PIKFYVE: variants seen among roughly 807,000 people sequenced by gnomAD.
PIKFYVE encodes 1-phosphatidylinositol 3-phosphate 5-kinase.
Under a neutral mutation model 257.9 loss-of-function variants are expected in PIKFYVE, and 122 were observed. The ratio of observed to expected loss-of-function variants is 0.47; its 90% CI spans 0.41 to 0.55. The LOEUF (loss-of-function observed/expected upper bound fraction) is 0.55, where lower values mean the gene tolerates loss of function less well. Ranked by LOEUF, PIKFYVE falls within the 20% of genes least tolerant of loss-of-function variation. The pLI, the probability that PIKFYVE is intolerant of heterozygous loss-of-function variation, is 0.00. For synonymous variants in PIKFYVE, 892 were observed against 868.9 expected (o/e 1.03, Z -0.47); for missense variants, 2,160 against 2,536.6 (o/e 0.85, Z 3.19).
intron 28 of PIKFYVE, 111 bp downstream of exon 28, chr2:208,337,039 AGGG>A: frequency 5.0e-6 from 4 of 794,034 alleles, no homozygotes; most frequent in Non-Finnish European, 8.3e-6. Flanking sequence ...GATATCCAGT[AGGG>A]TTTTCCATTT....
At chr2:208,314,199 CATTT>C (rs746873105) in intron 13 of PIKFYVE, 91 bp from the exon 14 acceptor site, 196 of 1,395,368 alleles carry the variant, frequency 1.4e-4, no homozygotes, top group Non-Finnish European at 1.9e-4. Flanking sequence ...TAACTTAAAA[CATTT>C]ATAAAGACAA....
intron 7 of PIKFYVE, among the ~76,000 whole-genome samples, chr2:208,289,727 G>A (rs184131148): frequency 1.3e-5 from 2 of 152,248 alleles, no homozygotes; most frequent in East Asian, 3.9e-4. Context: ...ACCGAGCCCA[G>A]CCTGTTATTT....
At chr2:208,282,982 C>T (rs1042880536) in intron 5 of PIKFYVE, among the ~76,000 whole-genome samples, 5 of 152,196 alleles carry the variant, frequency 3.3e-5, no homozygotes, top group Non-Finnish European at 7.3e-5. Flanking sequence ...CACCGCTGAT[C>T]TGACAGGAGG....
At chr2:208,352,381 C>T (rs1047984786) in intron 38 of PIKFYVE, among the ~76,000 whole-genome samples, 8 of 151,506 alleles carry the variant, frequency 5.3e-5, no homozygotes, top group African/African-American at 7.3e-5. Context: ...TGGTTTATTA[C>T]GTAGTATTGG....
rs768776987 is a variant in PIKFYVE at position 208,304,189 on chromosome 2, A to G, written c.1339A>G (p.Thr447Ala). The change falls in exon 11 of 42, where the codon ACG (threonine) becomes GCG (alanine). Residue 447 changes from threonine to alanine, a missense_variant. Thr to Ala is a moderately conservative substitution (Grantham distance 58). Around this residue, in one of 12 missense-constraint regions of PIKFYVE, gnomAD observed 90 missense variants for 110.6 expected, o/e 0.81. Transcript: ENST00000264380. Reference sequence around the variant, plus strand: ...CTTTCAGAGTACAGAATTTTCTGAGACGCCTTCTCCCGACAGTGACTCAGT... The same window carrying G: ...CTTTCAGAGTACAGAATTTTCTGAGGCGCCTTCTCCCGACAGTGACTCAGT... ...RPLQSTEFSE[T>A]PSPDSDSVNS... The G allele has an allele frequency of 6.2e-7, 1 of 1,614,110 alleles. No individual in the cohort carries two copies. Among genetic ancestry groups the G allele is most frequent in the Non-Finnish European group, 8.5e-7 (1 of 1,180,012 alleles).
intron 32 of PIKFYVE, among the ~76,000 whole-genome samples, chr2:208,342,863 C>T (rs933593547): frequency 2.8e-5 from 4 of 142,084 alleles, no homozygotes; most frequent in Non-Finnish European, 3.0e-5. Flanking sequence ...GGTGCAATCT[C>T]GGCTCACTGC....
intron 3 of PIKFYVE, 55 bp downstream of exon 3, chr2:208,273,788 A>G: frequency 6.3e-7 from 1 of 1,599,004 alleles, no homozygotes; most frequent in South Asian, 1.1e-5. Flanking sequence ...TTCCACAGTC[A>G]TTGTGTTTCC....
intron 35 of PIKFYVE, among the ~76,000 whole-genome samples, chr2:208,349,683 G>A (rs17699982): frequency 0.077 from 11,666 of 151,802 alleles, 511 homozygotes; most frequent in Non-Finnish European, 0.1. Context: ...CTACACACAT[G>A]GGGAAAATAG....
chr2:208,302,122 C>G (rs1693768864), intron 9 of PIKFYVE, 120 bp from the exon 10 acceptor site: 2 of 801,858 alleles, frequency 2.5e-6, no homozygotes, highest in Non-Finnish European at 4.2e-6. Context: ...ATCCAAGGGC[C>G]ATTTGAAATT....
At chr2:208,315,518 G>C (rs1695403078) in intron 15 of PIKFYVE, 145 bp downstream of exon 15, 5 of 933,266 alleles carry the variant, frequency 5.4e-6, no homozygotes, top group Non-Finnish European at 6.6e-6. Flanking sequence ...TGCTTTGTTA[G>C]CAGCGCACTT....
At chr2:208,326,540 A>T in intron 20 of PIKFYVE, 111 bp downstream of exon 20, 1 of 1,185,162 alleles carries the variant, frequency 8.4e-7, no homozygotes, top group Admixed American at 2.0e-5. Flanking sequence ...TTTGTGAAAT[A>T]TTTCTTCTCC....
chr2:208,278,782 CCACATTTTCTTTATCCATTT>C (rs1690437393), intron 5 of PIKFYVE, among the ~76,000 whole-genome samples: 1 of 152,084 alleles, frequency 6.6e-6, no homozygotes, highest in Non-Finnish European at 1.5e-5. Flanking sequence ...TGTATATGTA[CCACATTTTCTTTATCCATTT>C]CACCATTGGT....
At chr2:208,350,161 C>T (rs1295434239) in intron 36 of PIKFYVE, 78 bp downstream of exon 36, 1 of 1,572,790 alleles carries the variant, frequency 6.4e-7, no homozygotes, top group African/African-American at 1.3e-5. Flanking sequence ...AGAATTCTAG[C>T]TTCATACTAA....
intron 7 of PIKFYVE, among the ~76,000 whole-genome samples, chr2:208,293,206 A>T (rs1429324118): frequency 6.6e-6 from 1 of 151,162 alleles, no homozygotes; most frequent in Admixed American, 6.6e-5. Context: ...AAATACTCCC[A>T]ATTTTTCCCT....
intron 10 of PIKFYVE, among the ~76,000 whole-genome samples, chr2:208,303,349 T>C (rs1161382538): frequency 1.3e-5 from 2 of 152,074 alleles, no homozygotes; most frequent in African/African-American, 4.8e-5. Flanking sequence ...ACCCCCTGTA[T>C]AGTTGAAAAT....
At chr2:208,315,512 T>C in intron 15 of PIKFYVE, 139 bp downstream of exon 15, 1 of 978,418 alleles carries the variant, frequency 1.0e-6, no homozygotes, top group South Asian at 1.4e-5. Context: ...GCTGTCTGCT[T>C]TGTTAGCAGC....
intron 3 of PIKFYVE, among the ~76,000 whole-genome samples, chr2:208,276,475 A>G (rs1405153057): frequency 6.6e-6 from 1 of 152,228 alleles, no homozygotes; most frequent in Non-Finnish European, 1.5e-5. Flanking sequence ...GGTCTCAGAC[A>G]ATGCTTGTCT....
rs1700223242 is a variant in PIKFYVE at position 208,357,460 on chromosome 2, T to C, written c.*2155T>C. On this transcript the variant is annotated 3_prime_UTR_variant, in exon 42 of 42. Coordinates refer to ENST00000264380, the MANE Select transcript of PIKFYVE (RefSeq NM_015040.4). ...AGGAATGGCTTCTGACAATAATCTG[T>C]CCTGTTGATTTTGTTTTCCTTGCCC... 6.6e-6 allele frequency: 1 copy of C among 152,246 alleles called. No homozygotes were observed. Among genetic ancestry groups the C allele is most frequent in the Non-Finnish European group, 1.5e-5 (1 of 68,040 alleles). 9.4% of individuals were successfully genotyped at this position (152,246 alleles called of 1,614,324 possible). A position where few individuals can be genotyped will look rare whatever the true frequency, so the allele number is the denominator to read the frequency against.
At chr2:208,348,345 T>C (rs7565447) in intron 35 of PIKFYVE, among the ~76,000 whole-genome samples, 2,763 of 152,348 alleles carry the variant, frequency 0.018, 78 homozygotes, top group African/African-American at 0.063. Flanking sequence ...ATGTAACTCA[T>C]ATTATATACT....
Sources: allele counts gnomAD v4.1 joint callset (sites outside exome capture counted in the v4.1 genomes callset), GRCh38; gene constraint gnomAD v4.1.1; regional missense constraint gnomAD v4.1.1; transcripts MANE v1.5; gene names NCBI Gene and HGNC (gene_info 2026-07-23, HGNC 2026-07-21).